The following THSD4 variants were observed in gnomAD, a reference collection of about 807,000 sequenced individuals.
The protein encoded by THSD4 is thrombospondin type-1 domain-containing protein 4.
A neutral mutation model predicts 119.0 loss-of-function variants in THSD4; 69 were observed. The observed-to-expected ratio is 0.58, with a 90% CI of 0.48 to 0.71. THSD4 has a LOEUF of 0.71. Among genes scored for constraint, THSD4 ranks in the 30% least tolerant of loss-of-function variants. The probability of loss-of-function intolerance (pLI) is 0.00; values close to 1 mark genes in which losing one functional copy is unlikely to be tolerated. For synonymous variants in THSD4, 524 were observed against 540.4 expected, an observed-to-expected ratio of 0.97 and a Z score of 0.42; for missense variants, 1,393 against 1,391.1, an observed-to-expected ratio of 1.00 and a Z score of -0.02.
intron 6 of THSD4, among the ~76,000 whole-genome samples, chr15:71,401,802 CAT>C (rs2046536784): frequency 6.6e-6 from 1 of 152,184 alleles, no homozygotes; most frequent in African/African-American, 2.4e-5. Flanking sequence ...CATATGCACA[CAT>C]ATGCTTATTG....
intron 3 of THSD4, among the ~76,000 whole-genome samples, chr15:71,190,763 A>G (rs2043664067): frequency 6.6e-6 from 1 of 152,078 alleles, no homozygotes; most frequent in African/African-American, 2.4e-5. Flanking sequence ...TTCCCAAAAA[A>G]TTCGTCTCTA....
chr15:71,509,496 A>G lies in THSD4; in HGVS notation c.1152+97673A>G, dbSNP rs1005165287. ...AGTAAGTGGAGTAAAATCAACCCCC[A>G]GGCCAAGTAATGATTACATGTTAGT... On this transcript the variant is annotated intron_variant, in intron 7 of 17. Coordinates refer to ENST00000261862, the MANE Select transcript of THSD4 (RefSeq NM_024817.3). Among the ~76,000 whole-genome samples the G allele has an allele frequency of 3.3e-5, 5 of 152,354 alleles. No individual in the cohort carries two copies. In the South Asian group the frequency reaches 1.0e-3, roughly 32 times the overall value.
intron 15 of THSD4, among the ~76,000 whole-genome samples, chr15:71,762,229 C>G (rs2053639326): frequency 6.6e-6 from 1 of 152,268 alleles, no homozygotes; most frequent in Admixed American, 6.5e-5. Context: ...TCCAGACGCA[C>G]ATATTCTGCC....
In THSD4 at chr15:71,119,343, A is replaced by G. The variant is rs117422355; in HGVS notation, c.-80+3645A>G. Among the ~76,000 whole-genome samples the G allele has an allele frequency of 4.7e-3, 714 of 152,304 alleles. 4 individuals carry two copies. The highest frequency in any genetic ancestry group is 7.3e-3 in the Non-Finnish European group (499 of 68,016). ...CAGGGCTCGAGAACTGGCGTTTTTA[A>G]GATTACCTCAGGCGATTCTTCCGCA... On this transcript the variant is annotated intron_variant, in intron 1 of 17. Coordinates refer to ENST00000261862, the MANE Select transcript of THSD4 (RefSeq NM_024817.3).
intron 7 of THSD4, among the ~76,000 whole-genome samples, chr15:71,591,769 A>G (rs2049812507): frequency 6.6e-6 from 1 of 151,008 alleles, no homozygotes; most frequent in Non-Finnish European, 1.5e-5. Flanking sequence ...AAATCCAGAT[A>G]TGTTCCATAT....
At chr15:71,547,424 C>T in intron 7 of THSD4, 1 of 1,550,292 alleles carries the variant, frequency 6.5e-7, no homozygotes, top group Non-Finnish European at 8.7e-7. Flanking sequence ...TTGTCAGCTA[C>T]CTGATATTAA....
rs568850592 is a variant in THSD4, at chr15:71,624,484, A to G, written c.1153-36046A>G. Among the ~76,000 whole-genome samples, 40 of 152,356 alleles carry G rather than the reference A, an allele frequency of 2.6e-4. 1 individual carries two copies. Among genetic ancestry groups the G allele is most frequent in the Admixed American group, 2.4e-3 (37 of 15,302 alleles). On this transcript the variant is annotated intron_variant, in intron 7 of 17. Coordinates refer to ENST00000261862, the MANE Select transcript of THSD4 (RefSeq NM_024817.3). ...GGAGGAAATGTCCAATAAATCTGCC[A>G]GTATATTTCTTTGCCATGGAGTGAC...
intron 7 of THSD4, among the ~76,000 whole-genome samples, chr15:71,587,716 A>G (rs1189571207): frequency 2.2e-5 from 3 of 135,772 alleles, no homozygotes; most frequent in Non-Finnish European, 4.8e-5. Context: ...TGGCACATGT[A>G]TACATATGTA....
At chr15:71,478,164 A>G (rs2047678771) in intron 7 of THSD4, among the ~76,000 whole-genome samples, 1 of 152,202 alleles carries the variant, frequency 6.6e-6, no homozygotes, top group Admixed American at 6.5e-5. Context: ...ATCCTGAGCA[A>G]GTGAGGCCGT....
intron 6 of THSD4, among the ~76,000 whole-genome samples, chr15:71,378,594 C>T (rs756826486): frequency 2.0e-5 from 3 of 152,178 alleles, no homozygotes; most frequent in Non-Finnish European, 4.4e-5. Context: ...TATAAAGTAC[C>T]AGGGGATGCT....
intron 7 of THSD4, among the ~76,000 whole-genome samples, chr15:71,645,086 A>G (rs924183668): frequency 2.6e-5 from 4 of 152,202 alleles, no homozygotes; most frequent in Non-Finnish European, 5.9e-5. Context: ...AATCATATAC[A>G]GAATACAGTC....
rs538711941 is a variant in THSD4 at position 71,122,285 on chromosome 15, C to G, written c.-80+6587C>G. Among the ~76,000 whole-genome samples the G allele has an allele frequency of 3.9e-5, 6 of 152,274 alleles. 1 individual carries two copies. The South Asian group carries it at 1.2e-3, about 32-fold the overall frequency. The stretch of plus-strand genomic sequence containing the variant: ...CTCTCAACAACCTGTGTGAACTAGA[C>G]ACTATTATTTCTACTCTACAGCTAG... On this transcript the variant is annotated intron_variant, in intron 1 of 17. Transcript: ENST00000261862.
At chr15:71,296,056 T>A (rs1220236179) in intron 6 of THSD4, among the ~76,000 whole-genome samples, 1 of 152,240 alleles carries the variant, frequency 6.6e-6, no homozygotes, top group African/African-American at 2.4e-5. Flanking sequence ...ATTTATCTAC[T>A]TATCAGTTGA....
intron 6 of THSD4, among the ~76,000 whole-genome samples, chr15:71,289,255 C>T (rs977148336): frequency 7.2e-5 from 11 of 152,100 alleles, no homozygotes; most frequent in African/African-American, 2.2e-4. Flanking sequence ...CCATGTGCAA[C>T]CAGGAGGGTA....
At chr15:71,190,882 C>T (rs1400643990) in intron 3 of THSD4, among the ~76,000 whole-genome samples, 1 of 152,116 alleles carries the variant, frequency 6.6e-6, no homozygotes, top group Non-Finnish European at 1.5e-5. Context: ...CAACTCTCAG[C>T]CCCATGGTTT....
At chr15:71,199,867 GTGTGTGTGTGTGGTGCA>G (rs1305334715) in intron 3 of THSD4, among the ~76,000 whole-genome samples, 2 of 120,958 alleles carry the variant, frequency 1.7e-5, no homozygotes, top group African/African-American at 3.7e-5. Flanking sequence ...TGTGTGGGGT[GTGTGTGTGTGTGGTGCA>G]TGTGTGGTAT....
At chr15:71,497,071 T>C (rs2048029065) in intron 7 of THSD4, among the ~76,000 whole-genome samples, 1 of 152,150 alleles carries the variant, frequency 6.6e-6, no homozygotes, top group South Asian at 2.1e-4. Context: ...CACCAAAGAG[T>C]ATTTTGCCAA....
intron 7 of THSD4, among the ~76,000 whole-genome samples, chr15:71,638,374 T>C (rs2050791208): frequency 6.6e-6 from 1 of 152,218 alleles, no homozygotes. Flanking sequence ...TGAAATGTCC[T>C]ATAGATGTCC....
intron 7 of THSD4, among the ~76,000 whole-genome samples, chr15:71,587,967 T>G (rs6494948): frequency 0.97 from 147,035 of 152,060 alleles, 71,282 homozygotes; most frequent in Middle Eastern, 1. Context: ...CTAAAACCAG[T>G]ACTCTCCCTG....
Sources: gnomAD v4.1 joint callset for allele counts (sites outside exome capture counted in the v4.1 genomes callset) on GRCh38, gnomAD v4.1.1 for gene constraint, MANE v1.5 for transcripts, NCBI Gene and HGNC (gene_info 2026-07-23, HGNC 2026-07-21) for gene names.